The following AKAP11 variants were observed in gnomAD, a reference collection of about 807,000 sequenced individuals.
The protein encoded by AKAP11 is A-kinase anchor protein 11.
AKAP11 carries 36 observed loss-of-function variants against 146.1 expected under a neutral mutation model. That is an observed-to-expected ratio of 0.25 (90% CI 0.19 to 0.33). AKAP11 has a LOEUF of 0.33. AKAP11 is among the 10% of genes least tolerant of loss of function. AKAP11 has a pLI of 1.00. For missense variants in AKAP11, 2,201 were observed against 2,197.0 expected, an observed-to-expected ratio of 1.00 and a Z score of -0.04; for synonymous variants, 780 against 786.5, an observed-to-expected ratio of 0.99 and a Z score of 0.14.
intron 7 of AKAP11, among the ~76,000 whole-genome samples, chr13:42,299,090 T>C (rs1218798357): frequency 1.3e-5 from 2 of 152,170 alleles, no homozygotes; most frequent in Non-Finnish European, 2.9e-5. Flanking sequence ...AAGAGTTAGC[T>C]GGCAGAGTCT....
At chr13:42,273,769 G>A (rs1013590167) in intron 1 of AKAP11, among the ~76,000 whole-genome samples, 1 of 152,074 alleles carries the variant, frequency 6.6e-6, no homozygotes, top group Non-Finnish European at 1.5e-5. Context: ...GCCTTTAGAG[G>A]CTGGAAAAAA....
chr13:42,295,447 A>G (rs1194088692), intron 4 of AKAP11, among the ~76,000 whole-genome samples: 1 of 152,136 alleles, frequency 6.6e-6, no homozygotes, highest in Admixed American at 6.5e-5. Context: ...AAGTGGATAT[A>G]TTTGAAATAT....
At chr13:42,271,872 T>C (rs1566247714), upstream of AKAP11, among the ~76,000 whole-genome samples, 1 of 151,434 alleles carries the variant, frequency 6.6e-6, no homozygotes, top group African/African-American at 2.4e-5. Flanking sequence ...CGCGGGCTGC[T>C]CCGCGGGCTG....
intron 1 of AKAP11, among the ~76,000 whole-genome samples, chr13:42,280,743 T>C (rs1489499953): frequency 1.3e-5 from 2 of 152,170 alleles, no homozygotes; most frequent in South Asian, 4.1e-4. Context: ...AGGAGAGATA[T>C]GAGCCAAGCC....
chr13:42,302,182 G>A lies in AKAP11; in HGVS notation c.3436G>A (p.Val1146Ile), dbSNP rs553377184. The stretch of plus-strand genomic sequence containing the variant: ...ACCTTCTACTCCACACAACTCATCT[G>A]TTGGTAGTTTGTCTGAGAATGAACA... ...TPPSTPHNSSVGSLSENEQNT... is the reference protein window; with the variant it reads ...TPPSTPHNSSIGSLSENEQNT... The change falls in exon 8 of 13, where the codon GTT becomes ATT. Residue 1146 changes from valine to isoleucine, a missense_variant. Transcript: ENST00000025301. The A allele has an allele frequency of 9.3e-6, 15 of 1,614,046 alleles. No homozygotes were observed. The highest frequency in any genetic ancestry group is 1.1e-5 in the Non-Finnish European group (13 of 1,180,022).
At chr13:42,289,964 A>T (rs1040268713) in intron 3 of AKAP11, among the ~76,000 whole-genome samples, 1 of 152,164 alleles carries the variant, frequency 6.6e-6, no homozygotes, top group Non-Finnish European at 1.5e-5. Context: ...ACCTTTAAGT[A>T]TGTCAGTATC....
chr13:42,276,817 A>G (rs529505844), intron 1 of AKAP11, among the ~76,000 whole-genome samples: 1 of 152,322 alleles, frequency 6.6e-6, no homozygotes, highest in South Asian at 2.1e-4. Flanking sequence ...CTGGCAGCTT[A>G]GGATAGATCC....
At chr13:42,297,613 C>A (rs1382411644) in intron 6 of AKAP11, among the ~76,000 whole-genome samples, 1 of 151,894 alleles carries the variant, frequency 6.6e-6, no homozygotes, top group African/African-American at 2.4e-5. Flanking sequence ...AAGTGGACAT[C>A]TGATGTGTTC....
chr13:42,285,960 TG>T (rs1374878794), intron 1 of AKAP11, 25 bp from the exon 2 acceptor site: 1 of 153,368 alleles, frequency 6.5e-6, no homozygotes, highest in Non-Finnish European at 1.5e-5. Flanking sequence ...ATTTTTAAAA[TG>T]TTTTTTAAAA....
Position 42,317,521 on chromosome 13 carries a change from A to T in AKAP11, c.5405-7A>T. The T allele has an allele frequency of 6.2e-7, 1 of 1,609,928 alleles. No individual in the cohort carries two copies. Among genetic ancestry groups the T allele is most frequent in the South Asian group, 1.1e-5 (1 of 90,220 alleles). ...TTTACTTTATATTGTTTACATTTAA[A>T]TATTAGGTTTGGGGCAAGATGGAAA... is the stretch of plus-strand genomic sequence containing the variant. On this transcript the variant is annotated splice_polypyrimidine_tract_variant and splice_region_variant and intron_variant, in intron 11 of 12. Transcript: ENST00000025301.
chr13:42,277,666 T>A (rs1208962301), intron 1 of AKAP11, among the ~76,000 whole-genome samples: 1 of 152,238 alleles, frequency 6.6e-6, no homozygotes, highest in African/African-American at 2.4e-5. Flanking sequence ...ATGTTGCTTT[T>A]GCCACCAAAT....
chr13:42,298,413 C>A, intron 6 of AKAP11, 120 bp from the exon 7 acceptor site: 1 of 1,042,662 alleles, frequency 9.6e-7, no homozygotes, highest in Non-Finnish European at 1.4e-6. Flanking sequence ...AGGAGCTTTT[C>A]AGGATGCATG....
intron 4 of AKAP11, among the ~76,000 whole-genome samples, chr13:42,294,155 G>T (rs569226507): frequency 1.3e-5 from 2 of 152,270 alleles, no homozygotes; most frequent in East Asian, 3.9e-4. Context: ...ATCAGAAATA[G>T]ATCGAAAATA....
At chr13:42,288,389 G>T (rs2138493115) in intron 3 of AKAP11, among the ~76,000 whole-genome samples, 1 of 152,230 alleles carries the variant, frequency 6.6e-6, no homozygotes. Context: ...TTAATAATTT[G>T]TCTTGTTTGC....
Position 42,319,993 on chromosome 13 carries a change from T to C in AKAP11, c.*765T>C, listed in dbSNP as rs1450241316. On this transcript the variant is annotated 3_prime_UTR_variant, in exon 13 of 13. Coordinates refer to ENST00000025301, the MANE Select transcript of AKAP11 (RefSeq NM_016248.4). ...TTGCCAGTTTGTTCCCTCTTTTATTTTACTGTTTTCTTTTTAGAAACCCAC... is the reference window on the plus strand; with the variant it reads ...TTGCCAGTTTGTTCCCTCTTTTATTCTACTGTTTTCTTTTTAGAAACCCAC... 1 of 151,220 alleles carries C rather than the reference T, an allele frequency of 6.6e-6. No individual in the cohort carries two copies. The highest frequency in any genetic ancestry group is 1.5e-5 in the Non-Finnish European group (1 of 67,722). 9.4% of individuals were successfully genotyped at this position (151,220 alleles called of 1,614,324 possible).
intron 5 of AKAP11, among the ~76,000 whole-genome samples, chr13:42,296,222 A>G (rs1226966914): frequency 6.6e-6 from 1 of 152,128 alleles, no homozygotes. Context: ...CTCCTCATAG[A>G]GGAGGAAATA....
rs1273979008 is a variant in AKAP11, at chr13:42,302,417, A to G, written c.3671A>G (p.Gln1224Arg). Residue 1224 changes from glutamine (Q) to arginine (R), a missense_variant, in exon 8 of 13, where the codon CAA (glutamine) becomes CGA (arginine). Gln to Arg is a conservative substitution (Grantham distance 43). Coordinates refer to ENST00000025301, the MANE Select transcript of AKAP11 (RefSeq NM_016248.4). Reference sequence around the variant, plus strand: ...TCCCATTTAGATAACAAAATAATTCAAGAACCCAAGGTTAAAAACCCTTGC... The same window carrying G: ...TCCCATTTAGATAACAAAATAATTCGAGAACCCAAGGTTAAAAACCCTTGC... ...AASHLDNKII[Q>R]EPKVKNPCLN... is the part of the protein sequence containing the mutation. 1 of 1,614,146 alleles carries G rather than the reference A, an allele frequency of 6.2e-7. No individual in the cohort carries two copies. Among genetic ancestry groups the G allele is most frequent in the South Asian group, 1.1e-5 (1 of 91,066 alleles).
Position 42,317,452 on chromosome 13 carries a change from G to T in AKAP11, c.5405-76G>T, listed in dbSNP as rs78028583. 1,745 of 1,400,668 alleles carry T rather than the reference G, an allele frequency of 1.2e-3. 21 individuals are homozygous for T. The African/African-American group carries it at 0.022, about 18-fold the overall frequency. The allele number at this position is 1,400,668 out of a possible 1,614,324, so 86.8% of individuals were successfully genotyped here. ...GAATCCTAAGAACCAGAAAATATTT[G>T]TATCTACTTGACAACCAGAGTATTG... On this transcript the variant is annotated intron_variant, in intron 11 of 12. Coordinates refer to ENST00000025301, the MANE Select transcript of AKAP11 (RefSeq NM_016248.4).
At chr13:42,308,325 T>A (rs1960382059) in intron 8 of AKAP11, 129 bp from the exon 9 acceptor site, 2 of 711,194 alleles carry the variant, frequency 2.8e-6, no homozygotes, top group African/African-American at 3.6e-5. Context: ...AAGGATTACA[T>A]GAGCCACTGG....
Sources: gnomAD v4.1 joint callset for allele counts (sites outside exome capture counted in the v4.1 genomes callset) on GRCh38, gnomAD v4.1.1 for gene constraint, MANE v1.5 for transcripts, NCBI Gene and HGNC (gene_info 2026-07-23, HGNC 2026-07-21) for gene names.